Variants in PPP2R2B observed in about 807,000 individuals in gnomAD.
PPP2R2B encodes protein phosphatase 2 regulatory subunit Bbeta, also known as serine/threonine-protein phosphatase 2A 55 kDa regulatory subunit B beta isoform.
A neutral mutation model predicts 46.0 loss-of-function variants in PPP2R2B; 5 were observed. The observed-to-expected ratio is 0.11, with a 90% CI of 0.06 to 0.23. PPP2R2B has a LOEUF of 0.23. Among genes scored for constraint, PPP2R2B ranks in the 10% least tolerant of loss-of-function variants. PPP2R2B has a pLI of 1.00. For synonymous variants in PPP2R2B, 215 were observed against 206.7 expected (o/e 1.04, Z -0.34); for missense variants, 367 against 575.0 (o/e 0.64, Z 3.70).
intron 1 of PPP2R2B, among the ~76,000 whole-genome samples, chr5:146,979,138 T>C (rs1237854597): frequency 1.3e-5 from 2 of 152,220 alleles, no homozygotes. Context: ...TATACGCTTC[T>C]ACCTGAGTGC....
At chr5:146,632,611 A>G (rs995217397) in intron 7 of PPP2R2B, among the ~76,000 whole-genome samples, 2 of 152,272 alleles carry the variant, frequency 1.3e-5, no homozygotes, top group Non-Finnish European at 2.9e-5. Context: ...GACAGAGGCT[A>G]AGTAAAGCAA....
chr5:147,053,925 G>A (rs1756950805), intron 1 of PPP2R2B, among the ~76,000 whole-genome samples: 1 of 152,094 alleles, frequency 6.6e-6, no homozygotes, highest in African/African-American at 2.4e-5. Context: ...CCTCCTCCAC[G>A]ATGTTAATGT....
intron 1 of PPP2R2B, among the ~76,000 whole-genome samples, chr5:147,006,703 A>G (rs1477618779): frequency 6.6e-6 from 1 of 152,120 alleles, no homozygotes; most frequent in African/African-American, 2.4e-5. Context: ...GGCAGCAGTG[A>G]TTCTCCAAAA....
At chr5:147,067,471 T>C (rs546980881) in intron 2 of PPP2R2B, among the ~76,000 whole-genome samples, 1 of 152,296 alleles carries the variant, frequency 6.6e-6, no homozygotes, top group African/African-American at 2.4e-5. Flanking sequence ...ATCAGTGTTG[T>C]CACAAATGAC....
At chr5:146,765,240 C>T (rs1157777308) in intron 2 of PPP2R2B, among the ~76,000 whole-genome samples, 1 of 152,190 alleles carries the variant, frequency 6.6e-6, no homozygotes, top group Non-Finnish European at 1.5e-5. Context: ...CATATGATAT[C>T]TGAATGCTTT....
At chr5:146,983,487 T>C (rs1753281608) in intron 1 of PPP2R2B, among the ~76,000 whole-genome samples, 1 of 152,108 alleles carries the variant, frequency 6.6e-6, no homozygotes, top group African/African-American at 2.4e-5. Context: ...GCCCAGAGCG[T>C]TTCTTTGTAT....
At chr5:146,643,962 C>T (rs1775402960) in intron 6 of PPP2R2B, among the ~76,000 whole-genome samples, 1 of 152,190 alleles carries the variant, frequency 6.6e-6, no homozygotes, top group Admixed American at 6.5e-5. Context: ...GGAAAGCAGC[C>T]ATAGATAATA....
At chr5:146,687,709 T>C (rs533341321) in intron 5 of PPP2R2B, among the ~76,000 whole-genome samples, 1 of 152,338 alleles carries the variant, frequency 6.6e-6, no homozygotes, top group South Asian at 2.1e-4. Context: ...TCATGGGCTC[T>C]TTTGGTAATG....
In PPP2R2B at chr5:146,888,029, T is replaced by G. The variant is rs1367787073; in HGVS notation, c.79+167636A>C. ...CTCCTTCCTAATACAGTTTTTTCAC[T>G]GATTCCTGGGCATTGCTCTCTCTTT... is the stretch of plus-strand genomic sequence containing the variant. On this transcript the variant is annotated intron_variant, in intron 1 of 8. Coordinates refer to the PPP2R2B transcript ENST00000336640. Among the ~76,000 whole-genome samples the G allele has an allele frequency of 2.6e-5, 4 of 152,184 alleles. No individual in the cohort carries two copies. In the East Asian group the frequency reaches 7.7e-4, roughly 29 times the overall value.
intron 1 of PPP2R2B, among the ~76,000 whole-genome samples, chr5:147,018,655 G>A (rs538240828): frequency 5.9e-4 from 90 of 152,208 alleles, no homozygotes; most frequent in Non-Finnish European, 1.1e-3. Context: ...TTGGGACCTG[G>A]AGAGGACTGG....
intron 6 of PPP2R2B, among the ~76,000 whole-genome samples, chr5:146,640,316 T>A (rs986428839): frequency 3.3e-5 from 5 of 152,246 alleles, no homozygotes; most frequent in African/African-American, 9.6e-5. Flanking sequence ...CTCCGGGGCA[T>A]GTGAGTCTCC....
chr5:146,731,928 C>T (rs1253194062), intron 2 of PPP2R2B, among the ~76,000 whole-genome samples: 1 of 152,092 alleles, frequency 6.6e-6, no homozygotes, highest in African/African-American at 2.4e-5. Flanking sequence ...TTAGCTATAG[C>T]CTTTCTTTTT....
intron 2 of PPP2R2B, among the ~76,000 whole-genome samples, chr5:146,869,803 T>C (rs1761510112): frequency 6.6e-6 from 1 of 152,164 alleles, no homozygotes; most frequent in African/African-American, 2.4e-5. Flanking sequence ...GAAATGTGAA[T>C]TATAATAATG....
chr5:146,755,444 C>T (rs1365678477), intron 2 of PPP2R2B, among the ~76,000 whole-genome samples: 1 of 152,214 alleles, frequency 6.6e-6, no homozygotes, highest in Non-Finnish European at 1.5e-5. Context: ...AAGCCAACTC[C>T]TGTCAGTTAC....
intron 5 of PPP2R2B, among the ~76,000 whole-genome samples, chr5:146,672,507 G>C (rs1777434564): frequency 6.6e-6 from 1 of 152,100 alleles, no homozygotes; most frequent in Non-Finnish European, 1.5e-5. Context: ...TGGAGACATG[G>C]GGGTGGGGGG....
chr5:146,688,638 T>C (rs1324215944), intron 5 of PPP2R2B, among the ~76,000 whole-genome samples: 1 of 152,096 alleles, frequency 6.6e-6, no homozygotes, highest in African/African-American at 2.4e-5. Flanking sequence ...TCATCTGAAG[T>C]CCACTTCATT....
At position 146,587,908 on chromosome 5, in the gene PPP2R2B, C is replaced by G. The variant is rs551624049; in HGVS notation, c.*2039G>C. On this transcript the variant is annotated 3_prime_UTR_variant, in exon 10 of 10. Coordinates refer to ENST00000394411, the MANE Select transcript of PPP2R2B (RefSeq NM_181675.4). ...TTAAGTTTGAGATACAATGATTGGT[C>G]CCAACCCCCGACGTGGTACAGACAG... 2 of 152,258 alleles carry G rather than the reference C, an allele frequency of 1.3e-5. No homozygotes were observed. Among genetic ancestry groups the G allele is most frequent in the South Asian group, 4.1e-4 (2 of 4,820 alleles). The allele number at this position is 152,258 out of a possible 1,614,324, so 9.4% of individuals were successfully genotyped here. A position where few individuals can be genotyped will look rare whatever the true frequency, so the allele number is the denominator to read the frequency against.
At chr5:146,843,315 C>G (rs879431810) in intron 2 of PPP2R2B, among the ~76,000 whole-genome samples, 2 of 152,158 alleles carry the variant, frequency 1.3e-5, no homozygotes, top group Admixed American at 6.5e-5. Context: ...GAGCACTATA[C>G]AAGGTGAAGT....
At chr5:146,967,986 C>A (rs1469233596) in intron 1 of PPP2R2B, among the ~76,000 whole-genome samples, 3 of 152,176 alleles carry the variant, frequency 2.0e-5, no homozygotes, top group Non-Finnish European at 4.4e-5. Flanking sequence ...AAGCCGCATG[C>A]ACCACTAAAG....
Sources: gnomAD v4.1 joint callset for allele counts (sites outside exome capture counted in the v4.1 genomes callset) on GRCh38, gnomAD v4.1.1 for gene constraint, MANE v1.5 for transcripts, NCBI Gene and HGNC (gene_info 2026-07-23, HGNC 2026-07-21) for gene names.